The following RBBP8 variants were observed in gnomAD, a reference collection of about 807,000 sequenced individuals.
RBBP8 encodes DNA endonuclease RBBP8.
Under a neutral mutation model 108.3 loss-of-function variants are expected in RBBP8, and 88 were observed. That is an observed-to-expected ratio of 0.81 (90% CI 0.68 to 0.97). RBBP8 has a LOEUF of 0.97. RBBP8 is among the 50% of genes least tolerant of loss of function. The probability of loss-of-function intolerance (pLI) is 0.00; values close to 1 mark genes in which losing one functional copy is unlikely to be tolerated. For missense variants in RBBP8, 1,023 were observed against 1,049.0 expected, an observed-to-expected ratio of 0.98 and a Z score of 0.34; for synonymous variants, 332 against 348.2, an observed-to-expected ratio of 0.95 and a Z score of 0.52.
At chr18:22,981,555 T>C (rs999696836) in intron 6 of RBBP8, among the ~76,000 whole-genome samples, 13 of 152,222 alleles carry the variant, frequency 8.5e-5, no homozygotes, top group Admixed American at 8.5e-4. Context: ...ATTTAAATAG[T>C]GCCGGGCAGT....
At chr18:22,944,485 A>G (rs1255305252) in intron 2 of RBBP8, among the ~76,000 whole-genome samples, 1 of 152,200 alleles carries the variant, frequency 6.6e-6, no homozygotes, top group African/African-American at 2.4e-5. Context: ...AATTTCGCAC[A>G]TTTTTGAGAA....
intron 4 of RBBP8, among the ~76,000 whole-genome samples, chr18:22,956,183 T>C (rs1258264162): frequency 6.6e-6 from 1 of 152,204 alleles, no homozygotes; most frequent in Non-Finnish European, 1.5e-5. Flanking sequence ...GAATTTCTGC[T>C]TTATTTAAAA....
At chr18:22,916,768 T>C (rs1909377889) in intron 2 of RBBP8, among the ~76,000 whole-genome samples, 1 of 152,196 alleles carries the variant, frequency 6.6e-6, no homozygotes, top group East Asian at 1.9e-4. Context: ...CATTCTTTCA[T>C]ATTTGCCCAA....
chr18:23,012,516 A>G (rs1218294359), intron 16 of RBBP8, among the ~76,000 whole-genome samples: 2 of 152,202 alleles, frequency 1.3e-5, no homozygotes, highest in Non-Finnish European at 2.9e-5. Context: ...TGAAGATCAA[A>G]CCAGCCACCG....
intron 2 of RBBP8, among the ~76,000 whole-genome samples, chr18:22,938,161 TTGC>T (rs1910741646): frequency 6.6e-6 from 1 of 152,152 alleles, no homozygotes; most frequent in Admixed American, 6.5e-5. Context: ...AGACAGGGTC[TTGC>T]TTTGTCACCC....
chr18:22,930,236 G>C (rs1421216435), upstream of RBBP8, among the ~76,000 whole-genome samples: 1 of 152,084 alleles, frequency 6.6e-6, no homozygotes, highest in African/African-American at 2.4e-5. Context: ...TTCTAGCCAG[G>C]GGCCTCCAAT....
At chr18:23,007,180 C>A (rs2046068099) in intron 16 of RBBP8, among the ~76,000 whole-genome samples, 1 of 151,570 alleles carries the variant, frequency 6.6e-6, no homozygotes, top group African/African-American at 2.4e-5. Context: ...ACCACCAGGC[C>A]TGGATAATTT....
chr18:22,992,929 T>G lies in RBBP8; in HGVS notation c.1102T>G (p.Cys368Gly). ...HLKTLPFSNT[C>G]ISRLEKTRSK... is the part of the protein sequence containing the mutation. Reference sequence around the variant, plus strand: ...GAAAACACTCCCTTTTAGCAACACTTGTATATCTAGATTAGAAAAAACTAG... The same window carrying G: ...GAAAACACTCCCTTTTAGCAACACTGGTATATCTAGATTAGAAAAAACTAG... The change falls in exon 11 of 19, where the codon TGT (cysteine) becomes GGT (glycine). Residue 368 changes from cysteine to glycine, a missense_variant. Physicochemically the swap from Cys to Gly is radical, Grantham distance 159 (BLOSUM62 -3). Transcript: ENST00000327155. 1 of 1,613,834 alleles carries G rather than the reference T, an allele frequency of 6.2e-7. No individual in the cohort carries two copies. The highest frequency in any genetic ancestry group is 1.1e-5 in the South Asian group (1 of 91,060).
intron 16 of RBBP8, among the ~76,000 whole-genome samples, chr18:23,014,145 T>C (rs935396419): frequency 6.6e-6 from 1 of 151,886 alleles, no homozygotes; most frequent in African/African-American, 2.4e-5. Context: ...ATTACAGGCA[T>C]GTGCCACCAC....
chr18:22,924,132 T>TTTG (rs200070141), intron 3 of RBBP8, among the ~76,000 whole-genome samples: 2 of 141,096 alleles, frequency 1.4e-5, no homozygotes, highest in Non-Finnish European at 3.1e-5. Flanking sequence ...TTTTGGTTTT[T>TTTG]TTTTTTTTTT....
At chr18:22,926,284 G>A (rs1278930271) in intron 3 of RBBP8, among the ~76,000 whole-genome samples, 7 of 152,262 alleles carry the variant, frequency 4.6e-5, no homozygotes, top group South Asian at 2.1e-4. Context: ...TTAGCCAGGC[G>A]TGGTGCCACA....
intron 2 of RBBP8, among the ~76,000 whole-genome samples, chr18:22,941,670 T>C (rs1911093287): frequency 6.6e-6 from 1 of 152,030 alleles, no homozygotes; most frequent in Admixed American, 6.5e-5. Flanking sequence ...TATTATGTAG[T>C]AGATAATTCC....
intron 12 of RBBP8, among the ~76,000 whole-genome samples, chr18:22,995,471 A>G (rs1463050353): frequency 6.6e-6 from 1 of 152,212 alleles, no homozygotes; most frequent in East Asian, 1.9e-4. Context: ...AAAATCACCC[A>G]TTAAAATGTT....
rs1040810980 is a variant in RBBP8, at chr18:22,916,037, A to G, written c.-240+552A>G. On this transcript the variant is annotated intron_variant, in intron 2 of 4. Transcript: ENST00000577588. ...TCCTTTAAAATATTGATACATTGCG[A>G]TATTTTTGTTAAAACTGAGGATATA... 1.5e-4 allele frequency among the ~76,000 whole-genome samples: 23 copies of G among 152,018 alleles called. 1 individual carries two copies. The highest frequency in any genetic ancestry group is 2.8e-4 in the Non-Finnish European group (19 of 67,944).
chr18:23,026,197 A>G lies in RBBP8; in HGVS notation c.2651A>G (p.Tyr884Cys), dbSNP rs2046448078. 11 of 1,613,914 alleles carry G rather than the reference A, an allele frequency of 6.8e-6. No homozygotes were observed. Among genetic ancestry groups the G allele is most frequent in the Non-Finnish European group, 8.5e-6 (10 of 1,179,844 alleles). Residue 884 changes from tyrosine to cysteine, a missense_variant, in exon 19 of 19, where the codon TAC (tyrosine) becomes TGC (cysteine). Transcript: ENST00000327155. ...CCTCGTCCAAAAAGACGTCAGCCTT[A>G]CAACGCAATATTTTCTCCAAAAGGC... ...PCPRPKRRQP[Y>C]NAIFSPKGKE...
At chr18:23,024,176 C>T (rs1337330341) in intron 18 of RBBP8, among the ~76,000 whole-genome samples, 10 of 151,344 alleles carry the variant, frequency 6.6e-5, no homozygotes, top group African/African-American at 9.7e-5. Flanking sequence ...CGAGCCACCA[C>T]GCCCGGCCTG....
At chr18:22,957,320 T>C (rs1295647777) in intron 4 of RBBP8, among the ~76,000 whole-genome samples, 1 of 149,134 alleles carries the variant, frequency 6.7e-6, no homozygotes, top group Non-Finnish European at 1.5e-5. Flanking sequence ...TTGCCTGTCT[T>C]TCTCTGGTAG....
intron 17 of RBBP8, among the ~76,000 whole-genome samples, chr18:23,017,218 G>A (rs1002615385): frequency 6.6e-6 from 1 of 152,004 alleles, no homozygotes; most frequent in African/African-American, 2.4e-5. Context: ...AGCTGGGTGT[G>A]GTGGTGCACA....
At chr18:22,992,622 A>G (rs141676784) in intron 10 of RBBP8, 126 bp from the exon 11 acceptor site, 84 of 709,328 alleles carry the variant, frequency 1.2e-4, no homozygotes, top group Admixed American at 8.1e-4. Flanking sequence ...CTCTTTTGTC[A>G]TCTAAATGAA....
Sources: allele counts gnomAD v4.1 joint callset (sites outside exome capture counted in the v4.1 genomes callset), GRCh38; gene constraint gnomAD v4.1.1; transcripts MANE v1.5; gene names NCBI Gene and HGNC (gene_info 2026-07-23, HGNC 2026-07-21).